Variants in PCDH9 observed in about 807,000 individuals in gnomAD.
PCDH9 encodes the protein protocadherin 9.
Under a neutral mutation model 70.6 loss-of-function variants are expected in PCDH9, and 24 were observed. The ratio of observed to expected loss-of-function variants is 0.34; its 90% CI spans 0.25 to 0.48. The LOEUF (loss-of-function observed/expected upper bound fraction) is 0.48, where lower values mean the gene tolerates loss of function less well. Ranked by LOEUF, PCDH9 falls within the 20% of genes least tolerant of loss-of-function variation. The probability of loss-of-function intolerance (pLI) is 0.99; values close to 1 mark genes in which losing one functional copy is unlikely to be tolerated. For synonymous variants in PCDH9, 562 were observed against 558.5 expected, an observed-to-expected ratio of 1.01 and a Z score of -0.09; for missense variants, 1,281 against 1,503.6, an observed-to-expected ratio of 0.85 and a Z score of 2.45.
At chr13:66,390,591 C>G (rs1176886333) in intron 4 of PCDH9, among the ~76,000 whole-genome samples, 1 of 152,014 alleles carries the variant, frequency 6.6e-6, no homozygotes, top group East Asian at 1.9e-4. Flanking sequence ...CAAAAATTAG[C>G]TAGATGTGGT....
intron 2 of PCDH9, among the ~76,000 whole-genome samples, chr13:67,003,366 T>C (rs553151499): frequency 6.7e-6 from 1 of 148,932 alleles, no homozygotes; most frequent in East Asian, 1.9e-4. Context: ...TTGACAACTT[T>C]AAGTAATGGT....
intron 3 of PCDH9, among the ~76,000 whole-genome samples, chr13:66,812,266 G>A (rs2080523105): frequency 6.6e-6 from 1 of 151,772 alleles, no homozygotes; most frequent in Admixed American, 6.6e-5. Context: ...ATAAAACATG[G>A]GAATAAAAAT....
chr13:67,215,559 G>T (rs1018141123), intron 2 of PCDH9: 2 of 152,030 alleles, frequency 1.3e-5, no homozygotes, highest in Non-Finnish European at 2.9e-5. Flanking sequence ...GATCCTGTTT[G>T]TTTAGCTCAC....
chr13:67,102,617 A>G (rs561998150), intron 2 of PCDH9, among the ~76,000 whole-genome samples: 3 of 152,308 alleles, frequency 2.0e-5, no homozygotes, highest in Admixed American at 1.3e-4. Context: ...TCAGTTGTTT[A>G]TTTTCCCTCT....
At chr13:67,059,395 T>C (rs905078078) in intron 2 of PCDH9, among the ~76,000 whole-genome samples, 1 of 147,172 alleles carries the variant, frequency 6.8e-6, no homozygotes, top group Admixed American at 6.9e-5. Flanking sequence ...GTATATAGTA[T>C]ATATAGTGTA....
At chr13:67,142,868 G>A (rs188361013) in intron 2 of PCDH9, among the ~76,000 whole-genome samples, 1 of 151,358 alleles carries the variant, frequency 6.6e-6, no homozygotes, top group Non-Finnish European at 1.5e-5. Context: ...AAATAGCTGG[G>A]CGTTGTAGCA....
intron 4 of PCDH9, among the ~76,000 whole-genome samples, chr13:66,540,410 C>T (rs1193663599): frequency 1.3e-5 from 2 of 152,058 alleles, no homozygotes; most frequent in African/African-American, 2.4e-5. Context: ...ACTTTCAGTT[C>T]TGTTCATGTA....
intron 4 of PCDH9, among the ~76,000 whole-genome samples, chr13:66,619,635 G>A (rs145898331): frequency 4.5e-4 from 68 of 152,198 alleles, no homozygotes; most frequent in African/African-American, 1.5e-3. Context: ...TGCATTATAT[G>A]CTAGCAAACC....
intron 4 of PCDH9, among the ~76,000 whole-genome samples, chr13:66,327,868 G>T (rs966585801): frequency 6.6e-6 from 1 of 152,094 alleles, no homozygotes; most frequent in Non-Finnish European, 1.5e-5. Flanking sequence ...TATCTCCCCA[G>T]CTGTGAAAAC....
At chr13:67,206,612 T>C (rs1170889330) in intron 2 of PCDH9, 2 of 152,138 alleles carry the variant, frequency 1.3e-5, no homozygotes, top group Non-Finnish European at 2.9e-5. Flanking sequence ...TAAATAGTAT[T>C]AAAATAACTT....
At chr13:66,762,008 G>T (rs978878973) in intron 3 of PCDH9, among the ~76,000 whole-genome samples, 1 of 151,998 alleles carries the variant, frequency 6.6e-6, no homozygotes, top group African/African-American at 2.4e-5. Flanking sequence ...TTTGCAGTAT[G>T]GATTTGTCTG....
chr13:66,824,303 GTA>G (rs60742942), intron 3 of PCDH9, among the ~76,000 whole-genome samples: 778 of 127,568 alleles, frequency 6.1e-3, no homozygotes, highest in East Asian at 9.6e-3. Context: ...TTGTTTGAAA[GTA>G]TATATATATA....
chr13:66,617,816 T>C (rs1039539238), intron 4 of PCDH9, among the ~76,000 whole-genome samples: 17 of 152,190 alleles, frequency 1.1e-4, no homozygotes, highest in African/African-American at 4.1e-4. Flanking sequence ...TGGCCCCATC[T>C]GCCGGGAACC....
At chr13:67,090,246 T>C (rs1456407592) in intron 2 of PCDH9, among the ~76,000 whole-genome samples, 34 of 152,036 alleles carry the variant, frequency 2.2e-4, no homozygotes, top group Admixed American at 2.2e-3. Flanking sequence ...AGGGAACTTG[T>C]GAAAATGCAT....
intron 4 of PCDH9, among the ~76,000 whole-genome samples, chr13:66,479,488 A>G (rs893709994): frequency 2.0e-5 from 3 of 152,218 alleles, no homozygotes; most frequent in African/African-American, 7.2e-5. Flanking sequence ...TCTTGATGCC[A>G]TTAAGATCAT....
chr13:66,956,873 C>T (rs547307221), intron 2 of PCDH9, among the ~76,000 whole-genome samples: 36 of 152,296 alleles, frequency 2.4e-4, no homozygotes, highest in South Asian at 4.1e-4. Context: ...CCCACCAAAA[C>T]ATACCCAGGA....
At chr13:66,792,970 T>C (rs1418283470) in intron 3 of PCDH9, among the ~76,000 whole-genome samples, 1 of 152,114 alleles carries the variant, frequency 6.6e-6, no homozygotes, top group East Asian at 1.9e-4. Context: ...CAACAATGAA[T>C]CAAGGAGTGA....
chr13:67,206,066 C>A (rs1320730235), intron 2 of PCDH9: 4 of 152,150 alleles, frequency 2.6e-5, no homozygotes, highest in African/African-American at 9.7e-5. Flanking sequence ...CTCTCAAACT[C>A]CTGAACTCAA....
At chr13:67,003,376 T>G (rs943982909) in intron 2 of PCDH9, among the ~76,000 whole-genome samples, 1 of 146,284 alleles carries the variant, frequency 6.8e-6, no homozygotes, top group Non-Finnish European at 1.5e-5. Context: ...TAAGTAATGG[T>G]AAAAAAGAAA....
Sources: allele counts gnomAD v4.1 joint callset (sites outside exome capture counted in the v4.1 genomes callset), GRCh38; gene constraint gnomAD v4.1.1; transcripts MANE v1.5; gene names NCBI Gene and HGNC (gene_info 2026-07-23, HGNC 2026-07-21).